ADAM12: variants seen among roughly 807,000 people sequenced by gnomAD.
The protein encoded by ADAM12 is disintegrin and metalloproteinase domain-containing protein 12.
ADAM12 carries 70 observed loss-of-function variants against 106.4 expected under a neutral mutation model. That is an observed-to-expected ratio of 0.66 (90% CI 0.54 to 0.80). The LOEUF is 0.80. Ranked by LOEUF, ADAM12 falls within the 30% of genes least tolerant of loss-of-function variation. ADAM12 has a pLI of 0.00. For missense variants in ADAM12, 1,010 were observed against 1,171.9 expected (o/e 0.86, Z 2.02); for synonymous variants, 420 against 433.5 (o/e 0.97, Z 0.39).
chr10:126,235,401 G>T (rs549252339), intron 3 of ADAM12, among the ~76,000 whole-genome samples: 4 of 152,200 alleles, frequency 2.6e-5, no homozygotes, highest in Non-Finnish European at 5.9e-5. Flanking sequence ...TCTGGAGGAC[G>T]ACAGGAAGAG....
intron 13 of ADAM12, 36 bp from the exon 14 acceptor site, chr10:126,065,037 G>C: frequency 6.4e-7 from 1 of 1,571,304 alleles, no homozygotes; most frequent in Non-Finnish European, 8.6e-7. Flanking sequence ...ACATGCACCC[G>C]GGGAAAGGGA....
In ADAM12 at chr10:126,379,406, C is replaced by T. The variant is rs900247763; in HGVS notation, c.88+8652G>A. ...GTCCTTTGCAGGGACATGGATGAAG[C>T]TGGAAACCATCATTTTCAGCAAACT... is the stretch of plus-strand genomic sequence containing the variant. On this transcript the variant is annotated intron_variant, in intron 1 of 22. Coordinates refer to ENST00000448723, the MANE Select transcript of ADAM12 (RefSeq NM_001288973.2). Among the ~76,000 whole-genome samples the T allele has an allele frequency of 6.6e-4, 100 of 152,124 alleles. 1 individual carries two copies. The highest frequency in any genetic ancestry group is 2.3e-3 in the African/African-American group (95 of 41,418).
intron 5 of ADAM12, among the ~76,000 whole-genome samples, chr10:126,121,113 A>ATATATAGTATATATAT (rs751471972): frequency 3.6e-5 from 3 of 84,468 alleles, no homozygotes; most frequent in Non-Finnish European, 6.1e-5. Context: ...TATATATAGT[A>ATATATAGTATATATAT]TATATATAGT....
chr10:126,380,016 C>T lies in ADAM12; in HGVS notation c.88+8042G>A, dbSNP rs954485764. Among the ~76,000 whole-genome samples the T allele has an allele frequency of 2.0e-5, 3 of 152,252 alleles. No homozygotes were observed. In the East Asian group the frequency reaches 5.8e-4, roughly 29 times the overall value. ...CAGGAGTAGGTAAACAGACAGAAAA[C>T]GTTATCCAATGAAGCTGTCCAATTT... On this transcript the variant is annotated intron_variant, in intron 1 of 22. Coordinates refer to ENST00000448723, the MANE Select transcript of ADAM12 (RefSeq NM_001288973.2).
Position 126,062,050 on chromosome 10 carries a change from GCT to G in ADAM12, c.1609+2754_1609+2755del, listed in dbSNP as rs199864219. 1.0e-3 allele frequency among the ~76,000 whole-genome samples: 155 copies of G among 152,168 alleles called. 2 individuals carry two copies. The East Asian group carries it at 0.021, about 21-fold the overall frequency. On this transcript the variant is annotated intron_variant, in intron 14 of 22. Transcript: ENST00000448723. The stretch of plus-strand genomic sequence containing the variant: ...GCCACAGTGGGTTGCAGCCTTCCCT[GCT>G]CTCTGCTCTCCCAAGGAAGTCTGTA...
chr10:126,103,610 T>C (rs1477958779), intron 8 of ADAM12, among the ~76,000 whole-genome samples: 3 of 152,196 alleles, frequency 2.0e-5, no homozygotes, highest in Non-Finnish European at 4.4e-5. Context: ...ACGCTCATGT[T>C]TGAACCCACT....
chr10:126,252,827 G>A (rs997721975), intron 3 of ADAM12, among the ~76,000 whole-genome samples: 1 of 152,124 alleles, frequency 6.6e-6, no homozygotes, highest in African/African-American at 2.4e-5. Context: ...CAGTCACACA[G>A]CTATGAAGTG....
intron 21 of ADAM12, among the ~76,000 whole-genome samples, chr10:126,028,934 G>C (rs1169189342): frequency 6.6e-6 from 1 of 152,082 alleles, no homozygotes; most frequent in Non-Finnish European, 1.5e-5. Context: ...ACAGTAAAAA[G>C]TGGGCAAAAG....
intron 12 of ADAM12, among the ~76,000 whole-genome samples, chr10:126,069,206 C>A (rs959003852): frequency 2.0e-5 from 3 of 151,970 alleles, no homozygotes; most frequent in Non-Finnish European, 4.4e-5. Context: ...TGTCACACTG[C>A]CAAACACAAT....
Position 126,053,941 on chromosome 10 carries a change from A to G in ADAM12, c.1610-4272T>C, listed in dbSNP as rs1346308109. 2.6e-5 allele frequency among the ~76,000 whole-genome samples: 4 copies of G among 152,098 alleles called. No individual in the cohort carries two copies. Among genetic ancestry groups the G allele is most frequent in the East Asian group, 3.9e-4 (2 of 5,176 alleles). On this transcript the variant is annotated intron_variant, in intron 14 of 22. Transcript: ENST00000448723. The surrounding 1 kb of genome is among the most constrained non-coding windows in gnomAD (Gnocchi z 4.6). ...AGGGTGGTCTCGAACTCCTGACCTC[A>G]GGTGATTCACCCACCTCAGCCTCCC...
chr10:126,148,199 C>T (rs1394386257), intron 4 of ADAM12, among the ~76,000 whole-genome samples: 1 of 152,066 alleles, frequency 6.6e-6, no homozygotes, highest in Non-Finnish European at 1.5e-5. Flanking sequence ...CAGCTTATAC[C>T]AATTGTTGAG....
intron 9 of ADAM12, among the ~76,000 whole-genome samples, chr10:126,099,157 T>C (rs1406753833): frequency 6.6e-6 from 1 of 152,216 alleles, no homozygotes; most frequent in Non-Finnish European, 1.5e-5. Context: ...ACCAAGGGCC[T>C]GTTGAACACA....
At chr10:126,250,946 C>T (rs948326241) in intron 3 of ADAM12, among the ~76,000 whole-genome samples, 15 of 152,156 alleles carry the variant, frequency 9.9e-5, no homozygotes, top group South Asian at 4.1e-4. Flanking sequence ...TAATATGCAA[C>T]GGCTGATTTT....
chr10:126,122,472 C>T (rs1269650854), intron 5 of ADAM12, among the ~76,000 whole-genome samples: 1 of 152,038 alleles, frequency 6.6e-6, no homozygotes, highest in Non-Finnish European at 1.5e-5. Context: ...AAAAAATAGG[C>T]AAAGGGAGGC....
chr10:126,387,791 G>C (rs898600495), intron 1 of ADAM12, among the ~76,000 whole-genome samples: 2 of 152,134 alleles, frequency 1.3e-5, no homozygotes, highest in African/African-American at 4.8e-5. Context: ...AAGAGGGTGA[G>C]GACGGGGGAG....
At chr10:126,233,614 C>T (rs1958356630) in intron 3 of ADAM12, among the ~76,000 whole-genome samples, 2 of 152,108 alleles carry the variant, frequency 1.3e-5, no homozygotes, top group South Asian at 2.1e-4. Context: ...ACATGTTCTG[C>T]AGGAGATAGG....
intron 8 of ADAM12, among the ~76,000 whole-genome samples, chr10:126,102,069 A>C (rs1955679103): frequency 6.6e-6 from 1 of 152,132 alleles, no homozygotes; most frequent in Non-Finnish European, 1.5e-5. Context: ...GTTCTGGGTC[A>C]GGGCAGGGAA....
chr10:126,283,713 T>G (rs980870484), intron 2 of ADAM12, among the ~76,000 whole-genome samples: 1 of 152,246 alleles, frequency 6.6e-6, no homozygotes, highest in Non-Finnish European at 1.5e-5. Context: ...CTGGAAGCTA[T>G]GCTTTTCTCT....
chr10:126,288,132 C>T (rs72828727), intron 2 of ADAM12, among the ~76,000 whole-genome samples: 7,848 of 152,174 alleles, frequency 0.052, 257 homozygotes, highest in Admixed American at 0.11. Flanking sequence ...CTCTGACCTG[C>T]GGGCTGTCTG....
Sources: gnomAD v4.1 joint callset for allele counts (sites outside exome capture counted in the v4.1 genomes callset) on GRCh38, gnomAD v4.1.1 for gene constraint, Gnocchi (gnomAD v3.1) non-coding constraint, MANE v1.5 for transcripts, NCBI Gene and HGNC (gene_info 2026-07-23, HGNC 2026-07-21) for gene names.